CRY1: variants seen among roughly 807,000 people sequenced by gnomAD.
CRY1 encodes the protein cryptochrome circadian regulator 1.
In CRY1, 45 loss-of-function variants were observed where a neutral mutation model predicts 76.0. The ratio of observed to expected loss-of-function variants is 0.59; its 90% CI spans 0.47 to 0.76. The LOEUF (loss-of-function observed/expected upper bound fraction) is 0.76, where lower values mean the gene tolerates loss of function less well. CRY1 is among the 30% of genes least tolerant of loss of function. The pLI, the probability that CRY1 is intolerant of heterozygous loss-of-function variation, is 0.00. For missense variants in CRY1, 587 were observed against 716.4 expected, an observed-to-expected ratio of 0.82 and a Z score of 2.06; for synonymous variants, 248 against 244.0, an observed-to-expected ratio of 1.02 and a Z score of -0.15.
chr12:107,022,115 T>C lies in CRY1; in HGVS notation c.236A>G (p.Gln79Arg). 5 of 1,605,254 alleles carry C rather than the reference T, an allele frequency of 3.1e-6. No individual in the cohort carries two copies. Among genetic ancestry groups the C allele is most frequent in the Non-Finnish European group, 4.3e-6 (5 of 1,175,536 alleles). The change falls in exon 2 of 13, where the codon CAA (glutamine) becomes CGA (arginine). Residue 79 changes from glutamine (Q) to arginine (R), a missense_variant. By Grantham distance (43) the Gln-to-Arg change is conservative (BLOSUM62 1). Transcript: ENST00000008527. ...LNSRLFVIRG[Q>R]PADVFPRLFK... ...AAGCCTGGGAAACACATCTGCTGGT[T>C]GTCCACGAATCACAAACAGACGGGA...
chr12:106,996,261 T>C (rs1952231986), intron 10 of CRY1, among the ~76,000 whole-genome samples: 1 of 152,226 alleles, frequency 6.6e-6, no homozygotes, highest in Non-Finnish European at 1.5e-5. Flanking sequence ...CTGAGGATAA[T>C]GGCTACAAGC....
At chr12:107,030,108 G>A (rs896742980) in intron 1 of CRY1, among the ~76,000 whole-genome samples, 1 of 152,166 alleles carries the variant, frequency 6.6e-6, no homozygotes, top group African/African-American at 2.4e-5. Flanking sequence ...CATATAGCAG[G>A]AGTTCAATAA....
intron 2 of CRY1, among the ~76,000 whole-genome samples, chr12:107,014,470 T>G (rs187253181): frequency 2.6e-5 from 4 of 152,108 alleles, no homozygotes; most frequent in Non-Finnish European, 5.9e-5. Flanking sequence ...TATCACACAG[T>G]AGGGCAAGAA....
chr12:107,041,778 G>A (rs1952802566), intron 1 of CRY1, among the ~76,000 whole-genome samples: 1 of 142,348 alleles, frequency 7.0e-6, no homozygotes, highest in Non-Finnish European at 1.5e-5. Flanking sequence ...TTTCATAGTG[G>A]TAGGACTATG....
intron 8 of CRY1, 45 bp from the exon 9 acceptor site, chr12:106,997,735 CA>C (rs761437546): frequency 2.6e-5 from 42 of 1,600,644 alleles, no homozygotes; most frequent in East Asian, 1.6e-4. Flanking sequence ...GCACTCTAAG[CA>C]AACTATAACT....
At chr12:106,992,763 G>T in intron 12 of CRY1, 24 bp downstream of exon 12, 1 of 1,568,628 alleles carries the variant, frequency 6.4e-7, no homozygotes, top group Non-Finnish European at 8.8e-7. Context: ...TCTAAAGCAA[G>T]AAATACAGCT....
chr12:106,999,486 G>T lies in CRY1; in HGVS notation c.1137+65C>A. The T allele has an allele frequency of 3.5e-6, 5 of 1,427,514 alleles. No homozygotes were observed. In the South Asian group the frequency reaches 5.6e-5, roughly 16 times the overall value. 88.4% of individuals were successfully genotyped at this position (1,427,514 alleles called of 1,614,324 possible). A position where few individuals can be genotyped will look rare whatever the true frequency, so the allele number is the denominator to read the frequency against. On this transcript the variant is annotated intron_variant, in intron 7 of 12. Transcript: ENST00000008527. ...GAATCTATAAACAGACAACTTCTAG[G>T]ATTTGTTTTATTAAGGTAAGGATTC...
intron 1 of CRY1, among the ~76,000 whole-genome samples, chr12:107,059,476 C>T (rs1781466402): frequency 6.6e-6 from 1 of 152,058 alleles, no homozygotes; most frequent in African/African-American, 2.4e-5. Flanking sequence ...TGGTCTTGAA[C>T]TCATGGCCTC....
chr12:107,022,043 T>G, intron 2 of CRY1, 41 bp downstream of exon 2: 1 of 1,390,830 alleles, frequency 7.2e-7, no homozygotes. Context: ...TGTAATATTA[T>G]CTGAGAAAAG....
chr12:106,998,436 TA>T (rs1267889726), intron 7 of CRY1, among the ~76,000 whole-genome samples: 2 of 152,096 alleles, frequency 1.3e-5, no homozygotes, highest in Non-Finnish European at 2.9e-5. Flanking sequence ...TGCTATTACA[TA>T]AAACACCAAC....
At chr12:107,025,682 T>A (rs1952599908) in intron 1 of CRY1, among the ~76,000 whole-genome samples, 1 of 152,180 alleles carries the variant, frequency 6.6e-6, no homozygotes. Context: ...TTAAAATAGA[T>A]CTGCCTACTA....
chr12:106,997,904 C>A lies in CRY1; in HGVS notation c.1289+11G>T, dbSNP rs150346415. The A allele has an allele frequency of 6.2e-7, 1 of 1,611,856 alleles. No individual in the cohort carries two copies. Among genetic ancestry groups the A allele is most frequent in the African/African-American group, 1.3e-5 (1 of 74,896 alleles). ...CTATTCCAAACTGAGTAGTAATCACCCTTGATTTACCTGATATAGTCTCCA... is the reference window on the plus strand; with the variant it reads ...CTATTCCAAACTGAGTAGTAATCACACTTGATTTACCTGATATAGTCTCCA... On this transcript the variant is annotated intron_variant, in intron 8 of 12. Transcript: ENST00000008527.
At chr12:107,091,054 T>G (rs1953465839) in intron 1 of CRY1, among the ~76,000 whole-genome samples, 1 of 152,048 alleles carries the variant, frequency 6.6e-6, no homozygotes, top group African/African-American at 2.4e-5. Context: ...CCTTTTTTTT[T>G]TTTCTTGCGA....
intron 1 of CRY1, among the ~76,000 whole-genome samples, chr12:107,050,616 C>A (rs1952906983): frequency 6.6e-6 from 1 of 152,182 alleles, no homozygotes; most frequent in Admixed American, 6.5e-5. Context: ...CAGCAGCTTC[C>A]AGTATAGCCT....
chr12:107,063,830 T>C (rs1172471984), intron 1 of CRY1, among the ~76,000 whole-genome samples: 9 of 152,078 alleles, frequency 5.9e-5, no homozygotes, highest in Non-Finnish European at 1.3e-4. Flanking sequence ...ATCCCTGACC[T>C]CATGTGATCC....
At chr12:107,045,447 C>G (rs1355625017) in intron 1 of CRY1, among the ~76,000 whole-genome samples, 1 of 152,048 alleles carries the variant, frequency 6.6e-6, no homozygotes, top group African/African-American at 2.4e-5. Context: ...ATCATGAGGT[C>G]AAGAGATAGA....
At chr12:107,005,406 A>G (rs1182178327) in intron 2 of CRY1, among the ~76,000 whole-genome samples, 158 bp from the exon 3 acceptor site, 1 of 152,258 alleles carries the variant, frequency 6.6e-6, no homozygotes, top group East Asian at 1.9e-4. Context: ...TCAATTAAAA[A>G]ATACATAAGT....
chr12:107,043,834 TAC>T (rs150740417), intron 1 of CRY1, among the ~76,000 whole-genome samples: 1,881 of 152,234 alleles, frequency 0.012, 31 homozygotes, highest in African/African-American at 0.043. Flanking sequence ...GAGTTATTAC[TAC>T]ACAGTTGCTC....
chr12:107,053,836 A>G (rs1952951006), intron 1 of CRY1, among the ~76,000 whole-genome samples: 1 of 152,286 alleles, frequency 6.6e-6, no homozygotes, highest in East Asian at 1.9e-4. Flanking sequence ...AATTAGACAA[A>G]AAGAAACAAG....
Sources: allele counts gnomAD v4.1 joint callset (sites outside exome capture counted in the v4.1 genomes callset), GRCh38; gene constraint gnomAD v4.1.1; transcripts MANE v1.5; gene names NCBI Gene and HGNC (gene_info 2026-07-23, HGNC 2026-07-21).